Variants in MACROD2 observed in about 807,000 individuals in gnomAD.
MACROD2 encodes the protein ADP-ribose glycohydrolase MACROD2.
A neutral mutation model predicts 70.4 loss-of-function variants in MACROD2; 36 were observed. The ratio of observed to expected loss-of-function variants is 0.51; its 90% CI spans 0.39 to 0.68. The LOEUF (loss-of-function observed/expected upper bound fraction) is 0.68, where lower values mean the gene tolerates loss of function less well. MACROD2 is among the 30% of genes least tolerant of loss of function. The pLI, the probability that MACROD2 is intolerant of heterozygous loss-of-function variation, is 0.00. For missense variants in MACROD2, 496 were observed against 538.4 expected, an observed-to-expected ratio of 0.92 and a Z score of 0.78; for synonymous variants, 172 against 178.8, an observed-to-expected ratio of 0.96 and a Z score of 0.30.
At chr20:15,837,578 C>T (rs1019218964) in intron 8 of MACROD2, among the ~76,000 whole-genome samples, 4 of 152,046 alleles carry the variant, frequency 2.6e-5, no homozygotes, top group Non-Finnish European at 4.4e-5. Context: ...TCCAACTTGC[C>T]GCATTCTACA....
intron 8 of MACROD2, among the ~76,000 whole-genome samples, chr20:15,716,528 CT>C (rs1327584522): frequency 6.6e-6 from 1 of 152,178 alleles, no homozygotes; most frequent in Non-Finnish European, 1.5e-5. Context: ...GGAGCACTGC[CT>C]TTTGTACTCA....
At chr20:14,732,814 G>A (rs543349761) in intron 5 of MACROD2, among the ~76,000 whole-genome samples, 1 of 152,054 alleles carries the variant, frequency 6.6e-6, no homozygotes, top group Non-Finnish European at 1.5e-5. Flanking sequence ...AGGCCCCTAG[G>A]AGTTCTTATT....
At chr20:15,095,674 C>T (rs547546618) in intron 5 of MACROD2, among the ~76,000 whole-genome samples, 5 of 151,854 alleles carry the variant, frequency 3.3e-5, no homozygotes, top group South Asian at 4.2e-4. Flanking sequence ...TCTGCCACCA[C>T]GCCTGGCTAA....
chr20:15,963,323 G>T (rs2066091251), intron 12 of MACROD2, among the ~76,000 whole-genome samples: 1 of 152,110 alleles, frequency 6.6e-6, no homozygotes, highest in African/African-American at 2.4e-5. Context: ...AAAATGACCT[G>T]CTGTCATCAC....
At position 14,446,234 on chromosome 20, in the gene MACROD2, T is replaced by A. The variant is rs146960240; in HGVS notation, c.272-47245T>A. 1.1e-4 allele frequency among the ~76,000 whole-genome samples: 17 copies of A among 152,170 alleles called. No homozygotes were observed. In the East Asian group the frequency reaches 3.3e-3, roughly 29 times the overall value. ...GTGTTGGATGGAATCATAATAGTAATAGTATAAATAATAAATATTTTCTGC... is the reference window on the plus strand; with the variant it reads ...GTGTTGGATGGAATCATAATAGTAAAAGTATAAATAATAAATATTTTCTGC... On this transcript the variant is annotated intron_variant, in intron 3 of 17. Coordinates refer to ENST00000684519, the MANE Select transcript of MACROD2 (RefSeq NM_001351661.2).
intron 3 of MACROD2, among the ~76,000 whole-genome samples, chr20:14,279,152 C>G (rs1036534926): frequency 2.0e-5 from 3 of 152,314 alleles, no homozygotes; most frequent in Middle Eastern, 3.4e-3. Flanking sequence ...AAAGGCTTAT[C>G]ACTGAGTAAG....
chr20:15,834,390 C>T (rs2064089962), intron 8 of MACROD2, among the ~76,000 whole-genome samples: 1 of 152,116 alleles, frequency 6.6e-6, no homozygotes, highest in African/African-American at 2.4e-5. Flanking sequence ...TATTTTCCAG[C>T]ATTTGTAGTT....
chr20:15,722,584 A>G (rs1040867436), intron 8 of MACROD2, among the ~76,000 whole-genome samples: 1 of 151,868 alleles, frequency 6.6e-6, no homozygotes, highest in Non-Finnish European at 1.5e-5. Context: ...TATTTTTCAT[A>G]TTTATTTGTA....
intron 5 of MACROD2, among the ~76,000 whole-genome samples, chr20:14,875,897 G>A (rs540474227): frequency 6.6e-6 from 1 of 152,052 alleles, no homozygotes; most frequent in African/African-American, 2.4e-5. Context: ...TGATGGCCAC[G>A]TAGATGGATT....
chr20:15,406,085 C>A (rs559142986), intron 6 of MACROD2, among the ~76,000 whole-genome samples: 3 of 152,156 alleles, frequency 2.0e-5, no homozygotes, highest in African/African-American at 2.4e-5. Context: ...TCCCCTCTGG[C>A]CTTGACAGGT....
intron 6 of MACROD2, among the ~76,000 whole-genome samples, chr20:15,255,134 T>G (rs1482599292): frequency 1.3e-5 from 2 of 152,050 alleles, no homozygotes; most frequent in Non-Finnish European, 2.9e-5. Flanking sequence ...TTTCTCTATC[T>G]TCTTAAACAG....
intron 4 of MACROD2, among the ~76,000 whole-genome samples, chr20:14,661,697 A>G (rs1347802018): frequency 1.3e-5 from 2 of 151,814 alleles, no homozygotes; most frequent in Non-Finnish European, 3.0e-5. Context: ...CACATTTAAA[A>G]AATATATTTT....
intron 6 of MACROD2, among the ~76,000 whole-genome samples, chr20:15,374,200 A>G (rs907906442): frequency 6.6e-6 from 1 of 151,980 alleles, no homozygotes; most frequent in Non-Finnish European, 1.5e-5. Context: ...ATATAGATAT[A>G]CGCACATACA....
At chr20:14,846,369 G>T (rs752388301) in intron 5 of MACROD2, among the ~76,000 whole-genome samples, 4 of 151,914 alleles carry the variant, frequency 2.6e-5, no homozygotes, top group African/African-American at 2.4e-5. Flanking sequence ...AGTTACAGGC[G>T]CACGCCACCA....
chr20:14,273,103 A>C (rs559742893), intron 3 of MACROD2, among the ~76,000 whole-genome samples: 1 of 152,248 alleles, frequency 6.6e-6, no homozygotes, highest in East Asian at 1.9e-4. Context: ...AAAGTTAACA[A>C]GAATACCCAG....
At chr20:15,009,523 T>C (rs1489207010) in intron 5 of MACROD2, among the ~76,000 whole-genome samples, 4 of 152,160 alleles carry the variant, frequency 2.6e-5, no homozygotes, top group African/African-American at 9.7e-5. Flanking sequence ...AGAGATCTGA[T>C]TATAAGAATT....
At chr20:15,618,095 C>CTT (rs398035424) in intron 8 of MACROD2, among the ~76,000 whole-genome samples, 21,171 of 70,512 alleles carry the variant, frequency 0.3, 2,835 homozygotes, top group Non-Finnish European at 0.31. Context: ...CATCATTAGT[C>CTT]TTTTTTTTTT....
intron 8 of MACROD2, among the ~76,000 whole-genome samples, chr20:15,809,908 C>T (rs1216638483): frequency 6.7e-6 from 1 of 148,742 alleles, no homozygotes; most frequent in East Asian, 2.0e-4. Context: ...TACATGTGCA[C>T]AACGTGCAGG....
chr20:14,355,451 A>G (rs1052125994), intron 3 of MACROD2, among the ~76,000 whole-genome samples: 9 of 152,196 alleles, frequency 5.9e-5, no homozygotes, highest in Non-Finnish European at 1.0e-4. Flanking sequence ...AACTGTAAGA[A>G]AGACGTTCAG....
Sources: allele counts gnomAD v4.1 joint callset (sites outside exome capture counted in the v4.1 genomes callset), GRCh38; gene constraint gnomAD v4.1.1; transcripts MANE v1.5; gene names NCBI Gene and HGNC (gene_info 2026-07-23, HGNC 2026-07-21).